Variants in PLPBP observed in about 807,000 individuals in gnomAD.
The protein encoded by PLPBP is pyridoxal phosphate homeostasis protein.
Under a neutral mutation model 31.2 loss-of-function variants are expected in PLPBP, and 21 were observed. The ratio of observed to expected loss-of-function variants is 0.67; its 90% CI spans 0.48 to 0.97. The LOEUF (loss-of-function observed/expected upper bound fraction) is 0.97, where lower values mean the gene tolerates loss of function less well. PLPBP is among the 50% of genes least tolerant of loss of function. The pLI is 0.00. For missense variants in PLPBP, 308 were observed against 354.4 expected (o/e 0.87, Z 1.05); for synonymous variants, 124 against 135.6 (o/e 0.91, Z 0.59).
intron 1 of PLPBP, among the ~76,000 whole-genome samples, chr8:37,764,217 C>T (rs1803562460): frequency 6.6e-6 from 1 of 152,106 alleles, no homozygotes. Context: ...ATTCTCCTGC[C>T]TCAGCCTCCT....
intron 4 of PLPBP, among the ~76,000 whole-genome samples, chr8:37,767,195 A>G (rs530560371): frequency 2.0e-5 from 3 of 152,308 alleles, no homozygotes; most frequent in East Asian, 3.9e-4. Context: ...TAGGGAGGTA[A>G]GTGACTTACA....
In PLPBP at chr8:37,778,582, G is replaced by T. The variant is rs1222570490; in HGVS notation, c.*478G>T. ...TCTGCCCCCAGATTCTTCCCTAGCC[G>T]GTAGATACGTGAAGATATTCCCAAC... On this transcript the variant is annotated 3_prime_UTR_variant, in exon 8 of 8. Transcript: ENST00000328195. The T allele has an allele frequency of 6.5e-6, 1 of 153,086 alleles. No homozygotes were observed. Among genetic ancestry groups the T allele is most frequent in the African/African-American group, 2.4e-5 (1 of 41,408 alleles). 9.5% of individuals were successfully genotyped at this position (153,086 alleles called of 1,614,324 possible).
intron 4 of PLPBP, among the ~76,000 whole-genome samples, chr8:37,770,953 TAACAGA>T (rs1029670832): frequency 2.0e-5 from 3 of 152,282 alleles, no homozygotes; most frequent in African/African-American, 7.2e-5. Flanking sequence ...CAGGAAAACC[TAACAGA>T]ACTGTTGTTT....
In PLPBP at chr8:37,775,880, A is replaced by AAGGCAGGAGTAAAT. The variant is rs141109953; in HGVS notation, c.598-25_598-24insTAGGCAGGAGTAAA. On this transcript the variant is annotated intron_variant, in intron 6 of 7. Coordinates refer to ENST00000328195, the MANE Select transcript of PLPBP (RefSeq NM_007198.4). ...CAGACACTTTTGGGCATCGTTAGAG[A>AAGGCAGGAGTAAAT]AGGCAGGAGTAAAATAGGTGTCATC... 5,119 of 1,542,228 alleles carry AAGGCAGGAGTAAAT rather than the reference A, an allele frequency of 3.3e-3. 142 individuals are homozygous for AAGGCAGGAGTAAAT. In the African/African-American group the frequency reaches 0.063, roughly 19 times the overall value.
intron 1 of PLPBP, among the ~76,000 whole-genome samples, chr8:37,764,727 G>A (rs1350810663): frequency 6.6e-6 from 1 of 152,208 alleles, no homozygotes; most frequent in Non-Finnish European, 1.5e-5. Flanking sequence ...GATACACCAG[G>A]ACTAGAATGA....
chr8:37,773,318 C>T (rs753129398), intron 5 of PLPBP, among the ~76,000 whole-genome samples: 7 of 151,060 alleles, frequency 4.6e-5, no homozygotes, highest in Non-Finnish European at 7.4e-5. Flanking sequence ...CAGGCGTGCA[C>T]CACCACGCCT....
intron 6 of PLPBP, 149 bp from the exon 7 acceptor site, chr8:37,775,769 A>T: frequency 1.1e-6 from 1 of 921,630 alleles, no homozygotes; most frequent in Non-Finnish European, 1.7e-6. Context: ...GATAGTTTGC[A>T]AAAAACCCTT....
At chr8:37,770,623 A>T (rs1803745680) in intron 4 of PLPBP, among the ~76,000 whole-genome samples, 1 of 152,164 alleles carries the variant, frequency 6.6e-6, no homozygotes, top group South Asian at 2.1e-4. Flanking sequence ...CTGCACCCAG[A>T]CTGGAATGCA....
At position 37,777,862 on chromosome 8, in the gene PLPBP, C is replaced by T. The variant is rs969303121; in HGVS notation, c.697-111C>T. On this transcript the variant is annotated intron_variant, in intron 7 of 7. Transcript: ENST00000328195. The stretch of plus-strand genomic sequence containing the variant: ...CTGGGATTACAGGCGTGAGCCACCA[C>T]GCCCCGTCCATAGAAGGCTCTTGAG... 2.6e-5 allele frequency: 34 copies of T among 1,284,110 alleles called. No homozygotes were observed. The East Asian group carries it at 8.1e-4, about 31-fold the overall frequency. The allele number at this position is 1,284,110 out of a possible 1,614,324, so 79.5% of individuals were successfully genotyped here.
chr8:37,770,705 G>A (rs1322690385), intron 4 of PLPBP, among the ~76,000 whole-genome samples: 1 of 152,126 alleles, frequency 6.6e-6, no homozygotes, highest in Non-Finnish European at 1.5e-5. Flanking sequence ...AGCCTCCCAA[G>A]TAGCTGGGAT....
intron 1 of PLPBP, among the ~76,000 whole-genome samples, chr8:37,764,177 A>G (rs573907708): frequency 1.3e-5 from 2 of 150,420 alleles, no homozygotes; most frequent in Admixed American, 6.7e-5. Context: ...ATCTTGGCTC[A>G]CCGCAACCTC....
rs898113989 is a variant in PLPBP, at chr8:37,775,862, T to A, written c.598-56T>A. The A allele has an allele frequency of 1.2e-5, 18 of 1,477,854 alleles. No individual in the cohort carries two copies. In the East Asian group the frequency reaches 4.1e-4, roughly 34 times the overall value. 91.5% of individuals were successfully genotyped at this position (1,477,854 alleles called of 1,614,324 possible). ...GTCAGAGAAGTTCAGATTCAGACAC[T>A]TTTGGGCATCGTTAGAGAAGGCAGG... On this transcript the variant is annotated intron_variant, in intron 6 of 7. Transcript: ENST00000328195.
chr8:37,770,325 T>C (rs1373148151), intron 4 of PLPBP, among the ~76,000 whole-genome samples: 2 of 152,164 alleles, frequency 1.3e-5, no homozygotes, highest in Non-Finnish European at 2.9e-5. Flanking sequence ...AATAAATTTG[T>C]ACATCTACAG....
intron 4 of PLPBP, among the ~76,000 whole-genome samples, chr8:37,771,156 C>G (rs1409239005): frequency 6.6e-6 from 1 of 151,862 alleles, no homozygotes. Flanking sequence ...CTTTTTTAGT[C>G]TTTCTAGTCT....
At chr8:37,767,046 CAAAAAAAAAAAA>C (rs377103424) in intron 4 of PLPBP, among the ~76,000 whole-genome samples, 1 of 57,164 alleles carries the variant, frequency 1.7e-5, no homozygotes, top group African/African-American at 7.0e-5. Flanking sequence ...GACTTCATCC[CAAAAAAAAAAAA>C]AAAAAAAAAA....
At chr8:37,762,622 C>A, upstream of PLPBP, 1 of 1,544,722 alleles carries the variant, frequency 6.5e-7, no homozygotes, top group Non-Finnish European at 8.7e-7. Flanking sequence ...GAGCCACGGG[C>A]TGCCGGGGGC....
rs1047958432 is a variant in PLPBP at position 37,779,300 on chromosome 8, C to T, written c.*1196C>T. 2 of 152,198 alleles carry T rather than the reference C, an allele frequency of 1.3e-5. No individual in the cohort carries two copies. Among genetic ancestry groups the T allele is most frequent in the East Asian group, 1.9e-4 (1 of 5,190 alleles). 9.4% of individuals were successfully genotyped at this position (152,198 alleles called of 1,614,324 possible). A position where few individuals can be genotyped will look rare whatever the true frequency, so the allele number is the denominator to read the frequency against. On this transcript the variant is annotated 3_prime_UTR_variant, in exon 8 of 8. Coordinates refer to ENST00000328195, the MANE Select transcript of PLPBP (RefSeq NM_007198.4). Reference sequence around the variant, plus strand: ...AGTGAATCTCATTACTCCTAAGAAACGAAAGATTCCTTCAAAGCCTTTTCA... The same window carrying T: ...AGTGAATCTCATTACTCCTAAGAAATGAAAGATTCCTTCAAAGCCTTTTCA...
At chr8:37,775,129 A>G in intron 5 of PLPBP, 1 of 449,118 alleles carries the variant, frequency 2.2e-6, no homozygotes, top group South Asian at 4.4e-5. Flanking sequence ...TCCAACTGAT[A>G]GTTCTTTTCT....
intron 1 of PLPBP, among the ~76,000 whole-genome samples, chr8:37,764,274 T>G (rs1803564543): frequency 6.6e-6 from 1 of 151,616 alleles, no homozygotes; most frequent in Non-Finnish European, 1.5e-5. Flanking sequence ...GGCTAATTTT[T>G]TGTGTATTTT....
Sources: gnomAD v4.1 joint callset for allele counts (sites outside exome capture counted in the v4.1 genomes callset) on GRCh38, gnomAD v4.1.1 for gene constraint, MANE v1.5 for transcripts, NCBI Gene and HGNC (gene_info 2026-07-23, HGNC 2026-07-21) for gene names.